Variants in DNAH11 observed in about 807,000 individuals in gnomAD.
DNAH11 encodes the protein dynein axonemal heavy chain 11.
Under a neutral mutation model 526.0 loss-of-function variants are expected in DNAH11, and 442 were observed. That is an observed-to-expected ratio of 0.84 (90% CI 0.78 to 0.91). DNAH11 has a LOEUF of 0.91. DNAH11 is among the 40% of genes least tolerant of loss of function. The probability of loss-of-function intolerance (pLI) is 0.00; values close to 1 mark genes in which losing one functional copy is unlikely to be tolerated. For missense variants in DNAH11, 6,989 were observed against 5,448.7 expected (o/e 1.28, Z -8.90); for synonymous variants, 2,461 against 1,935.9 (o/e 1.27, Z -7.12).
chr7:21,660,198 G>T (rs567314175), intron 30 of DNAH11, among the ~76,000 whole-genome samples: 2 of 152,002 alleles, frequency 1.3e-5, no homozygotes, highest in African/African-American at 4.8e-5. Flanking sequence ...ATGCAATTCT[G>T]CTATGCCTTT....
rs555817083 is a variant in DNAH11, at chr7:21,854,594, G to C, written c.11202+139G>C. The C allele has an allele frequency of 3.2e-4, 316 of 996,932 alleles. 2 individuals are homozygous for C. The African/African-American group carries it at 4.8e-3, about 15-fold the overall frequency. The allele number at this position is 996,932 out of a possible 1,614,324, so 61.8% of individuals were successfully genotyped here. A position where few individuals can be genotyped will look rare whatever the true frequency, so the allele number is the denominator to read the frequency against. On this transcript the variant is annotated intron_variant, in intron 68 of 81. Transcript: ENST00000409508. The stretch of plus-strand genomic sequence containing the variant: ...AGACAGAGTCTCACTCTGTAGCCCA[G>C]GCTGGAGTGCAGTGGCGTGATCATT...
rs371044449 is a variant in DNAH11 at position 21,735,732 on chromosome 7, T to C, written c.7533T>C (p.Asn2511=). 68 of 1,613,836 alleles carry C rather than the reference T, an allele frequency of 4.2e-5. No homozygotes were observed. Among genetic ancestry groups the C allele is most frequent in the Non-Finnish European group, 5.0e-5 (59 of 1,179,896 alleles). Residue 2511 remains asparagine, a synonymous_variant, in exon 46 of 82, where the codon AAT becomes AAC. Coordinates refer to ENST00000409508, the MANE Select transcript of DNAH11 (RefSeq NM_001277115.2). ...GAAAACCTCTAATGCTAGTAGGAAATGCAGGAGTGGGAAAAACAGTCTTTG... is the reference window on the plus strand; with the variant it reads ...GAAAACCTCTAATGCTAGTAGGAAACGCAGGAGTGGGAAAAACAGTCTTTG... ...EKGKPLMLVG[N]AGVGKTVFVG... is the part of the protein sequence containing the mutation.
chr7:21,862,539 T>C (rs1783105672), intron 69 of DNAH11, among the ~76,000 whole-genome samples: 1 of 152,206 alleles, frequency 6.6e-6, no homozygotes, highest in Non-Finnish European at 1.5e-5. Context: ...ACAAAAAAGA[T>C]AAGTATGTGA....
intron 76 of DNAH11, among the ~76,000 whole-genome samples, chr7:21,889,349 A>G (rs549468516): frequency 5.9e-5 from 9 of 152,344 alleles, no homozygotes; most frequent in Admixed American, 3.9e-4. Context: ...TAATGCTGCT[A>G]TGAACTTTTA....
rs148310697 is a variant in DNAH11 at position 21,833,691 on chromosome 7, C to T, written c.10692-8853C>T. On this transcript the variant is annotated intron_variant, in intron 65 of 81. Coordinates refer to ENST00000409508, the MANE Select transcript of DNAH11 (RefSeq NM_001277115.2). ...GCCTGGGCAACAGAGCAAGACTCCA[C>T]CTCAAAAAATAAAAAATAAAAATAA... Among the ~76,000 whole-genome samples, 1,492 of 151,476 alleles carry T rather than the reference C, an allele frequency of 9.8e-3. 24 individuals carry two copies. Among genetic ancestry groups the T allele is most frequent in the African/African-American group, 0.034 (1,400 of 41,260 alleles).
intron 2 of DNAH11, among the ~76,000 whole-genome samples, chr7:21,558,074 G>C (rs1783291987): frequency 6.6e-6 from 1 of 152,148 alleles, no homozygotes; most frequent in South Asian, 2.1e-4. Context: ...CATTTTCTGA[G>C]CATTTTGGCT....
chr7:21,658,433 G>A (rs1782110092), intron 29 of DNAH11, among the ~76,000 whole-genome samples: 1 of 152,078 alleles, frequency 6.6e-6, no homozygotes, highest in Admixed American at 6.6e-5. Flanking sequence ...TGTGATGTTT[G>A]GCTTCTGAAA....
chr7:21,660,787 CTG>C (rs1400765236), intron 30 of DNAH11, among the ~76,000 whole-genome samples: 3 of 151,898 alleles, frequency 2.0e-5, no homozygotes, highest in South Asian at 2.1e-4. Flanking sequence ...AGCTATGTAT[CTG>C]TGTCTATAGA....
At chr7:21,867,092 A>G (rs1476880744) in intron 71 of DNAH11, among the ~76,000 whole-genome samples, 2 of 152,218 alleles carry the variant, frequency 1.3e-5, no homozygotes, top group African/African-American at 4.8e-5. Flanking sequence ...TAGTCCCTAT[A>G]ACTTTACAAC....
chr7:21,719,659 G>A (rs1345793420), intron 43 of DNAH11, among the ~76,000 whole-genome samples: 2 of 152,142 alleles, frequency 1.3e-5, no homozygotes, highest in Non-Finnish European at 2.9e-5. Context: ...GGCACAACAT[G>A]AAATAATAGA....
rs1186504235 is a variant in DNAH11, at chr7:21,899,269, CAG to C, written c.13050-65_13050-64del. 1.5e-5 allele frequency: 20 copies of C among 1,312,368 alleles called. No individual in the cohort carries two copies. The Admixed American group carries it at 3.2e-4, about 21-fold the overall frequency. The allele number at this position is 1,312,368 out of a possible 1,614,324, so 81.3% of individuals were successfully genotyped here. On this transcript the variant is annotated intron_variant, in intron 79 of 81. Coordinates refer to ENST00000409508, the MANE Select transcript of DNAH11 (RefSeq NM_001277115.2). Reference sequence around the variant, plus strand: ...ACCACCCTGCCCTAACCGCCCACAACAGAACATACTGGAAAATGGCTATTTTA... The same window carrying C: ...ACCACCCTGCCCTAACCGCCCACAACAACATACTGGAAAATGGCTATTTTA...
chr7:21,817,428 C>T (rs990625924), intron 64 of DNAH11, among the ~76,000 whole-genome samples: 1 of 150,674 alleles, frequency 6.6e-6, no homozygotes, highest in African/African-American at 2.4e-5. Context: ...TGCCTATAAT[C>T]CCAGCACTTT....
intron 57 of DNAH11, among the ~76,000 whole-genome samples, chr7:21,782,168 T>C (rs1213849256): frequency 6.6e-6 from 1 of 152,190 alleles, no homozygotes; most frequent in Non-Finnish European, 1.5e-5. Flanking sequence ...TCACCACTAA[T>C]CTTAAGAACA....
rs1783577768 is a variant in DNAH11, at chr7:21,690,661, A to C, written c.5925-104A>C. The C allele has an allele frequency of 7.0e-5, 56 of 805,664 alleles. 2 individuals are homozygous for C. In the South Asian group the frequency reaches 9.9e-4, roughly 14 times the overall value. The allele number at this position is 805,664 out of a possible 1,614,324, so 49.9% of individuals were successfully genotyped here. On this transcript the variant is annotated intron_variant, in intron 34 of 81. Coordinates refer to ENST00000409508, the MANE Select transcript of DNAH11 (RefSeq NM_001277115.2). Reference sequence around the variant, plus strand: ...AATTTTAAAGAAAATTACACAGAATAAACAGCTTCCTAATAATTTGCATTT... The same window carrying C: ...AATTTTAAAGAAAATTACACAGAATCAACAGCTTCCTAATAATTTGCATTT...
At chr7:21,671,539 T>G (rs1182114987) in intron 30 of DNAH11, among the ~76,000 whole-genome samples, 1 of 152,178 alleles carries the variant, frequency 6.6e-6, no homozygotes, top group African/African-American at 2.4e-5. Context: ...TTTATTTTTT[T>G]TCTCTTTTTT....
chr7:21,742,312 CA>C, intron 49 of DNAH11, 146 bp downstream of exon 49: 1 of 1,024,826 alleles, frequency 9.8e-7, no homozygotes, highest in Non-Finnish European at 1.4e-6. Flanking sequence ...TATGGTTCTG[CA>C]GGCTGTGCTA....
chr7:21,627,467 T>C (rs1786392826), intron 25 of DNAH11, among the ~76,000 whole-genome samples: 1 of 152,190 alleles, frequency 6.6e-6, no homozygotes, highest in Non-Finnish European at 1.5e-5. Context: ...CATTGAGGGA[T>C]AGAAATCTAG....
chr7:21,871,311 A>G (rs746805612), intron 73 of DNAH11, among the ~76,000 whole-genome samples: 4 of 152,228 alleles, frequency 2.6e-5, no homozygotes, highest in Non-Finnish European at 4.4e-5. Context: ...TCCAAGACAT[A>G]TAGATTGTCT....
At chr7:21,894,079 G>T (rs1784422000) in intron 77 of DNAH11, among the ~76,000 whole-genome samples, 1 of 152,142 alleles carries the variant, frequency 6.6e-6, no homozygotes, top group African/African-American at 2.4e-5. Flanking sequence ...AGTAGAGACA[G>T]AGTTTCACCA....
Sources: gnomAD v4.1 joint callset for allele counts (sites outside exome capture counted in the v4.1 genomes callset) on GRCh38, gnomAD v4.1.1 for gene constraint, MANE v1.5 for transcripts, NCBI Gene and HGNC (gene_info 2026-07-23, HGNC 2026-07-21) for gene names.